The following LRRC37A2 variants were observed in gnomAD, a reference collection of about 807,000 sequenced individuals.
LRRC37A2 encodes leucine-rich repeat-containing protein 37A2.
A neutral mutation model predicts 68.8 loss-of-function variants in LRRC37A2; 9 were observed. That is an observed-to-expected ratio of 0.13 (90% CI 0.08 to 0.23). The LOEUF (loss-of-function observed/expected upper bound fraction) is 0.23, where lower values mean the gene tolerates loss of function less well. Among genes scored for constraint, LRRC37A2 ranks in the 10% least tolerant of loss-of-function variants. LRRC37A2 has a pLI of 1.00. For synonymous variants in LRRC37A2, 63 were observed against 367.6 expected (o/e 0.17, Z 9.48); for missense variants, 168 against 950.4 (o/e 0.18, Z 10.82).
the LRRC37A2 span, among the ~76,000 whole-genome samples, chr17:46,748,665 C>T: frequency 1.1e-4 from 16 of 152,246 alleles, no homozygotes; most frequent in East Asian, 2.5e-3. Context: ...AGAGAGTCAC[C>T]GCTTCAGATT....
At chr17:46,853,676 T>C in the LRRC37A2 span, among the ~76,000 whole-genome samples, 1 of 152,158 alleles carries the variant, frequency 6.6e-6, no homozygotes, top group Non-Finnish European at 1.5e-5. Flanking sequence ...CTAGTTTTTT[T>C]CATTAAGGAA....
At chr17:46,751,789 A>G in the LRRC37A2 span, among the ~76,000 whole-genome samples, 1 of 152,198 alleles carries the variant, frequency 6.6e-6, no homozygotes, top group African/African-American at 2.4e-5. Flanking sequence ...ATCACTTAAC[A>G]ATACTTTTTA....
At chr17:46,734,376 G>T in the LRRC37A2 span, among the ~76,000 whole-genome samples, 11 of 151,732 alleles carry the variant, frequency 7.2e-5, no homozygotes, top group African/African-American at 2.4e-4. Context: ...CTTTTGCATT[G>T]GGCTTCATTT....
chr17:46,816,029 T>A, the LRRC37A2 span, among the ~76,000 whole-genome samples: 2 of 151,918 alleles, frequency 1.3e-5, no homozygotes, highest in Non-Finnish European at 2.9e-5. Context: ...CACAATCAGG[T>A]CATGGCCATG....
At chr17:46,923,207 C>A in the LRRC37A2 span, 2 of 1,549,594 alleles carry the variant, frequency 1.3e-6, no homozygotes, top group Non-Finnish European at 1.7e-6. Flanking sequence ...ATCCCCTGTT[C>A]CAGCAAACGC....
the LRRC37A2 span, among the ~76,000 whole-genome samples, chr17:46,458,528 CTTCTTTTT>C: frequency 1.9e-5 from 1 of 52,526 alleles, no homozygotes; most frequent in African/African-American, 6.6e-5. Flanking sequence ...AATTCTTCTT[CTTCTTTTT>C]TTTTTTTTTT....
chr17:46,421,220 C>T, the LRRC37A2 span, among the ~76,000 whole-genome samples: 1 of 40,900 alleles, frequency 2.4e-5, no homozygotes, highest in Non-Finnish European at 6.7e-5. Context: ...TGTGAGCCAT[C>T]ACGCCTGGCC....
At chr17:46,892,540 A>T in the LRRC37A2 span, among the ~76,000 whole-genome samples, 151,896 of 152,350 alleles carry the variant, frequency 1, 75,722 homozygotes, top group East Asian at 1. Flanking sequence ...CATCGGACTG[A>T]TTTTCCCTTT....
the LRRC37A2 span, among the ~76,000 whole-genome samples, chr17:46,460,827 G>A: frequency 1.2e-4 from 12 of 98,964 alleles, 2 homozygotes; most frequent in South Asian, 9.3e-4. Flanking sequence ...CCGTTTAAAG[G>A]TCTGGTGCGT....
chr17:46,726,696 G>A, the LRRC37A2 span: 3 of 1,231,624 alleles, frequency 2.4e-6, no homozygotes, highest in African/African-American at 4.4e-5. Flanking sequence ...AAATTAACAA[G>A]TATTTATAAA....
chr17:46,757,724 C>T, the LRRC37A2 span, among the ~76,000 whole-genome samples: 1 of 151,664 alleles, frequency 6.6e-6, no homozygotes, highest in African/African-American at 2.4e-5. Flanking sequence ...AAATGCCTGG[C>T]ACGGTGGCTC....
the LRRC37A2 span, among the ~76,000 whole-genome samples, chr17:47,011,443 G>GGAA: frequency 2.0e-5 from 3 of 151,854 alleles, no homozygotes; most frequent in Admixed American, 1.3e-4. Flanking sequence ...CAGCTACTTG[G>GGAA]GAAGCTGTGG....
the LRRC37A2 span, among the ~76,000 whole-genome samples, chr17:46,896,444 A>AAT: frequency 1.1e-5 from 1 of 91,126 alleles, no homozygotes; most frequent in South Asian, 3.4e-4. Context: ...GAAAGAAAGA[A>AAT]AGAAAGAAAA....
At chr17:46,998,859 C>T in the LRRC37A2 span, 1 of 152,292 alleles carries the variant, frequency 6.6e-6, no homozygotes, top group African/African-American at 2.4e-5. Flanking sequence ...TGCTGCCTCA[C>T]TGGCCCCTCA....
chr17:47,048,310 C>T, the LRRC37A2 span, among the ~76,000 whole-genome samples: 4 of 151,816 alleles, frequency 2.6e-5, no homozygotes, highest in East Asian at 7.7e-4. Context: ...CCCAGCTGCA[C>T]ACTGGCACAC....
chr17:46,858,978 CTTTTT>C, the LRRC37A2 span, among the ~76,000 whole-genome samples: 1 of 134,234 alleles, frequency 7.4e-6, no homozygotes, highest in Admixed American at 7.6e-5. Flanking sequence ...ATAATTTTAG[CTTTTT>C]TTTTTTTTTT....
chr17:46,802,510 C>T, the LRRC37A2 span, among the ~76,000 whole-genome samples: 2 of 152,134 alleles, frequency 1.3e-5, no homozygotes, highest in South Asian at 2.1e-4. Flanking sequence ...TCAGATGATC[C>T]ACCTGCCTCG....
the LRRC37A2 span, among the ~76,000 whole-genome samples, chr17:46,869,782 T>C: frequency 6.6e-6 from 1 of 152,084 alleles, no homozygotes; most frequent in Non-Finnish European, 1.5e-5. Context: ...GCAGGTCACT[T>C]GAAGTCAGGA....
the LRRC37A2 span, among the ~76,000 whole-genome samples, chr17:46,778,699 C>T: frequency 3.3e-5 from 5 of 152,204 alleles, no homozygotes; most frequent in Admixed American, 2.0e-4. Flanking sequence ...GTGGCTTTGA[C>T]GGATTTGCCT....
Sources: allele counts gnomAD v4.1 joint callset (sites outside exome capture counted in the v4.1 genomes callset), GRCh38; gene constraint gnomAD v4.1.1; transcripts MANE v1.5; gene names NCBI Gene and HGNC (gene_info 2026-07-23, HGNC 2026-07-21).